GNG12: variants seen among roughly 807,000 people sequenced by gnomAD.
GNG12 encodes the protein guanine nucleotide-binding protein G(I)/G(S)/G(O) subunit gamma-12.
For synonymous variants in GNG12, 28 were observed against 29.7 expected, an observed-to-expected ratio of 0.94 and a Z score of 0.19; for missense variants, 69 against 83.8, an observed-to-expected ratio of 0.82 and a Z score of 0.69.
chr1:67,720,454 G>A (rs1370137947), intron 2 of GNG12, among the ~76,000 whole-genome samples: 1 of 152,210 alleles, frequency 6.6e-6, no homozygotes, highest in African/African-American at 2.4e-5. Context: ...CAAGACGGCT[G>A]ACAAAAGATT....
chr1:67,712,128 A>G (rs979837808), intron 2 of GNG12, among the ~76,000 whole-genome samples: 4 of 152,268 alleles, frequency 2.6e-5, no homozygotes, highest in Admixed American at 6.5e-5. Flanking sequence ...GGGGAAACAA[A>G]TATCTCCAAA....
chr1:67,775,511 A>G (rs1646699630), intron 2 of GNG12, among the ~76,000 whole-genome samples: 2 of 152,270 alleles, frequency 1.3e-5, no homozygotes, highest in African/African-American at 4.8e-5. Context: ...ATGAGTTTGT[A>G]TTTCAACAGG....
At chr1:67,821,962 T>C in intron 1 of GNG12, among the ~76,000 whole-genome samples, 1 of 151,750 alleles carries the variant, frequency 6.6e-6, no homozygotes, top group Non-Finnish European at 1.5e-5. Flanking sequence ...AAACTCAAGC[T>C]CTAAACCAGG....
chr1:67,799,836 A>T (rs1469122571), intron 1 of GNG12, among the ~76,000 whole-genome samples: 1 of 152,182 alleles, frequency 6.6e-6, no homozygotes, highest in African/African-American at 2.4e-5. Flanking sequence ...CAGTTTTGTA[A>T]ATCTCTTTAA....
chr1:67,770,891 A>G (rs1646670464), intron 2 of GNG12, among the ~76,000 whole-genome samples: 1 of 152,158 alleles, frequency 6.6e-6, no homozygotes, highest in Non-Finnish European at 1.5e-5. Context: ...GATGGAGGGA[A>G]GTCCTCCCTT....
At chr1:67,791,896 G>A (rs1207430482) in intron 1 of GNG12, among the ~76,000 whole-genome samples, 1 of 152,110 alleles carries the variant, frequency 6.6e-6, no homozygotes, top group Non-Finnish European at 1.5e-5. Context: ...GCAGCTATGA[G>A]AACTGGCCTT....
chr1:67,784,345 T>C (rs866231283), intron 1 of GNG12, among the ~76,000 whole-genome samples: 2,154 of 143,448 alleles, frequency 0.015, 36 homozygotes, highest in African/African-American at 0.052. Flanking sequence ...AGGGATAGCA[T>C]TGGGAGATAT....
chr1:67,821,290 A>G (rs946883598), intron 1 of GNG12, among the ~76,000 whole-genome samples: 1 of 152,170 alleles, frequency 6.6e-6, no homozygotes, highest in African/African-American at 2.4e-5. Context: ...GCCCTTAAAA[A>G]CAGAATTTTC....
At chr1:67,768,576 C>T (rs1275694709) in intron 2 of GNG12, among the ~76,000 whole-genome samples, 1 of 152,124 alleles carries the variant, frequency 6.6e-6, no homozygotes, top group Non-Finnish European at 1.5e-5. Flanking sequence ...ATTTATTGAA[C>T]ATGTATTATG....
chr1:67,779,414 T>C (rs1355469958), intron 1 of GNG12, among the ~76,000 whole-genome samples: 1 of 152,118 alleles, frequency 6.6e-6, no homozygotes, highest in Non-Finnish European at 1.5e-5. Flanking sequence ...TGGCTTCCTC[T>C]AGGTTTTAGG....
chr1:67,708,962 C>T (rs139559832), intron 2 of GNG12, among the ~76,000 whole-genome samples: 140 of 152,354 alleles, frequency 9.2e-4, no homozygotes, highest in African/African-American at 3.1e-3. Context: ...ACCCAGACTC[C>T]AGGGCATCCA....
chr1:67,740,134 T>G (rs1183244694), intron 2 of GNG12, among the ~76,000 whole-genome samples: 2 of 152,322 alleles, frequency 1.3e-5, no homozygotes, highest in South Asian at 2.1e-4. Flanking sequence ...TTACATTAAG[T>G]AAAAAATGTA....
intron 2 of GNG12, among the ~76,000 whole-genome samples, chr1:67,723,693 G>A (rs2100691015): frequency 6.6e-6 from 1 of 152,170 alleles, no homozygotes; most frequent in East Asian, 1.9e-4. Flanking sequence ...AGGGAACTGA[G>A]GGAGGCAGCC....
intron 1 of GNG12, among the ~76,000 whole-genome samples, chr1:67,791,309 G>A (rs1646800974): frequency 6.6e-6 from 1 of 152,044 alleles, no homozygotes; most frequent in African/African-American, 2.4e-5. Context: ...TGTATTTTCA[G>A]TCTCCTTTGC....
intron 2 of GNG12, among the ~76,000 whole-genome samples, chr1:67,763,090 G>GGAGAGAGAGAGAGAGACA (rs1553157318): frequency 8.6e-6 from 1 of 116,724 alleles, no homozygotes; most frequent in Admixed American, 8.8e-5. Flanking sequence ...TACCCTCCCA[G>GGAGAGAGAGAGAGAGACA]GAGAGAGAGA....
chr1:67,805,620 G>A (rs1646890547), intron 1 of GNG12, among the ~76,000 whole-genome samples: 1 of 151,912 alleles, frequency 6.6e-6, no homozygotes, highest in Non-Finnish European at 1.5e-5. Flanking sequence ...AAAGCAAAGA[G>A]AAAAAACATG....
At chr1:67,774,437 A>G (rs757494925) in intron 2 of GNG12, among the ~76,000 whole-genome samples, 3 of 152,246 alleles carry the variant, frequency 2.0e-5, no homozygotes, top group African/African-American at 4.8e-5. Flanking sequence ...AGTAATTAAC[A>G]TAAGAGGAAA....
intron 2 of GNG12, among the ~76,000 whole-genome samples, chr1:67,738,603 C>T (rs1646465198): frequency 6.6e-6 from 1 of 152,136 alleles, no homozygotes; most frequent in African/African-American, 2.4e-5. Context: ...CACGTGTAGG[C>T]CAGGCATGGT....
intron 2 of GNG12, among the ~76,000 whole-genome samples, chr1:67,768,423 T>A (rs1646653982): frequency 1.3e-5 from 2 of 152,318 alleles, no homozygotes; most frequent in Admixed American, 6.5e-5. Context: ...TAAAAGCAGA[T>A]CATTGCACAT....
Sources: allele counts gnomAD v4.1 joint callset (sites outside exome capture counted in the v4.1 genomes callset), GRCh38; gene constraint gnomAD v4.1.1; transcripts MANE v1.5; gene names NCBI Gene and HGNC (gene_info 2026-07-23, HGNC 2026-07-21).